The following TMEM94 variants were observed in gnomAD, a reference collection of about 807,000 sequenced individuals.
The protein encoded by TMEM94 is ER Mg2+ ATPase.
TMEM94 carries 81 observed loss-of-function variants against 158.6 expected under a neutral mutation model. That is an observed-to-expected ratio of 0.51 (90% confidence interval 0.43 to 0.61). The LOEUF is 0.61. Among genes scored for constraint, TMEM94 ranks in the 20% least tolerant of loss-of-function variants. TMEM94 has a pLI of 0.00. For missense variants in TMEM94, 1,435 were observed against 1,762.0 expected (o/e 0.81, Z 3.32); for synonymous variants, 751 against 730.7 (o/e 1.03, Z -0.45).
rs2051967330 is a variant in TMEM94 at position 75,489,690 on chromosome 17, T to C, written c.954+28T>C. 1 of 1,586,344 alleles carries C rather than the reference T, an allele frequency of 6.3e-7. No homozygotes were observed. The highest frequency in any genetic ancestry group is 1.7e-5 in the Admixed American group (1 of 59,946). ...AAGGACCACCCTGTCCTCTCTGTCA[T>C]GCTTCCCTCCGACCCGCAGGGCTGG... On this transcript the variant is annotated intron_variant, in intron 9 of 31. Transcript: ENST00000314256. The surrounding 1 kb of genome is among the most constrained non-coding windows in gnomAD (Gnocchi z 5.0).
At chr17:75,480,944 G>T (rs1230734755) in intron 2 of TMEM94, among the ~76,000 whole-genome samples, 1 of 152,220 alleles carries the variant, frequency 6.6e-6, no homozygotes, top group African/African-American at 2.4e-5. Flanking sequence ...TGGCGAGGAA[G>T]CTCAGAAGGC....
At chr17:75,474,381 C>G (rs947703048) in intron 2 of TMEM94, among the ~76,000 whole-genome samples, 1 of 152,116 alleles carries the variant, frequency 6.6e-6, no homozygotes, top group African/African-American at 2.4e-5. Flanking sequence ...TGGCACACAC[C>G]TGTAATCCCA....
chr17:75,488,072 GA>G lies in TMEM94; in HGVS notation c.552del (p.Gly185GlufsTer4). 6.2e-7 allele frequency: 1 copy of G among 1,614,198 alleles called. No individual in the cohort carries two copies. The highest frequency in any genetic ancestry group is 8.5e-7 in the Non-Finnish European group (1 of 1,180,046). Reference sequence around the variant, plus strand: ...CAACCTGCCAGTCAGCCTGCTGGTTGAAGGAGACATCATAGCTTTGAGGCCT... The same window carrying G: ...CAACCTGCCAGTCAGCCTGCTGGTTGAGGAGACATCATAGCTTTGAGGCCT... ...LVNLPVSLLVEGDIIALRPGQ... is the reference protein window; with the variant it reads ...LVNLPVSLLVXGDIIALRPGQ... On this transcript the variant is annotated frameshift_variant, in exon 6 of 32. Transcript: ENST00000314256. LOFTEE classifies it high-confidence loss of function.
At position 75,488,801 on chromosome 17, in the gene TMEM94, C is replaced by G. The variant is rs765523093; in HGVS notation, c.655C>G (p.Pro219Ala). 6.4e-5 allele frequency: 103 copies of G among 1,613,524 alleles called. No homozygotes were observed. The highest frequency in any genetic ancestry group is 1.6e-4 in the Middle Eastern group (1 of 6,080). Residue 219 changes from proline (P) to alanine (A), a missense_variant, in exon 7 of 32, where the codon CCC becomes GCC. Pro to Ala is a conservative substitution (Grantham distance 27). Around this residue, in one of 3 missense-constraint regions of TMEM94, gnomAD observed 1,051 missense variants for 1,254.4 expected, o/e 0.84. Transcript: ENST00000314256. ...CCTGGAGCCGGGAGACCTCTTCCCC[C>G]CCTTCTCCCCTCCACCCTCACCCCG... is the stretch of plus-strand genomic sequence containing the variant. ...IVLEPGDLFP[P>A]FSPPPSPRGE... is the part of the protein sequence containing the mutation.
intron 1 of TMEM94, among the ~76,000 whole-genome samples, chr17:75,464,655 C>T (rs1417508316): frequency 1.6e-5 from 2 of 126,388 alleles, no homozygotes; most frequent in Non-Finnish European, 3.4e-5. Context: ...TTCCTTCCTT[C>T]CTTCCTTCCT....
intron 2 of TMEM94, among the ~76,000 whole-genome samples, chr17:75,481,288 G>A (rs891989780): frequency 2.6e-5 from 4 of 152,250 alleles, no homozygotes; most frequent in Admixed American, 6.5e-5. Flanking sequence ...TGAGGTCCCC[G>A]CCGGGAGGGC....
chr17:75,486,778 G>A (rs1269595012), intron 5 of TMEM94, among the ~76,000 whole-genome samples: 1 of 152,208 alleles, frequency 6.6e-6, no homozygotes, highest in Non-Finnish European at 1.5e-5. Flanking sequence ...TACTGTGCTG[G>A]GAGACATGGG....
chr17:75,489,545 G>A lies in TMEM94; in HGVS notation c.868-31G>A. On this transcript the variant is annotated intron_variant, in intron 8 of 31. Transcript: ENST00000314256. This position sits in a 1 kb window ranked among gnomAD's most constrained non-coding sequence, Gnocchi z 5.0. ...GCCTGGGTCCCTCTAGAGGGGCGGG[G>A]TCAAGGCTGTGCCTCTGCTGTTCCC... The A allele has an allele frequency of 1.9e-6, 3 of 1,602,348 alleles. No homozygotes were observed. Among genetic ancestry groups the A allele is most frequent in the Non-Finnish European group, 2.6e-6 (3 of 1,169,442 alleles).
rs1458098335 is a variant in TMEM94, at chr17:75,478,055, G to A, written c.24+6126G>A. Reference sequence around the variant, plus strand: ...TTTTGAGACGGAGTCTCGCTCTGTCGCCCAGGCTGGAGTGCAGTGGCGGGA... The same window carrying A: ...TTTTGAGACGGAGTCTCGCTCTGTCACCCAGGCTGGAGTGCAGTGGCGGGA... On this transcript the variant is annotated intron_variant, in intron 2 of 31. Transcript: ENST00000314256. Among the ~76,000 whole-genome samples, 54 of 96,836 alleles carry A rather than the reference G, an allele frequency of 5.6e-4. 1 individual carries two copies. The highest frequency in any genetic ancestry group is 2.1e-4 in the Non-Finnish European group (11 of 53,328). 63.5% of individuals were successfully genotyped at this position (96,836 alleles called of 152,430 possible). A position where few individuals can be genotyped will look rare whatever the true frequency, so the allele number is the denominator to read the frequency against.
At chr17:75,481,391 G>A (rs1379024774) in intron 2 of TMEM94, among the ~76,000 whole-genome samples, 1 of 152,266 alleles carries the variant, frequency 6.6e-6, no homozygotes, top group East Asian at 1.9e-4. Context: ...TGGAGAGCGG[G>A]ATTAGGTGAG....
At chr17:75,478,748 G>T (rs1321596287) in intron 2 of TMEM94, among the ~76,000 whole-genome samples, 1 of 152,222 alleles carries the variant, frequency 6.6e-6, no homozygotes, top group Non-Finnish European at 1.5e-5. Flanking sequence ...CCTGAGCAGT[G>T]AAAACAGCGG....
chr17:75,474,177 T>C (rs970051927), intron 2 of TMEM94, among the ~76,000 whole-genome samples: 11 of 152,152 alleles, frequency 7.2e-5, no homozygotes, highest in African/African-American at 2.6e-4. Context: ...GGCCTCTAGC[T>C]GAGGTAACTC....
intron 1 of TMEM94, among the ~76,000 whole-genome samples, chr17:75,463,903 C>T (rs936925589): frequency 1.3e-5 from 2 of 152,200 alleles, no homozygotes; most frequent in African/African-American, 2.4e-5. Flanking sequence ...AAAAACTTCC[C>T]TCCAGCTTAA....
Position 75,499,986 on chromosome 17 carries a change from G to A in TMEM94, c.*652G>A, listed in dbSNP as rs2146967005. 6.5e-6 allele frequency: 1 copy of A among 153,446 alleles called. No individual in the cohort carries two copies. Among genetic ancestry groups the A allele is most frequent in the East Asian group, 1.9e-4 (1 of 5,194 alleles). The allele number at this position is 153,446 out of a possible 1,614,324, so 9.5% of individuals were successfully genotyped here. A position where few individuals can be genotyped will look rare whatever the true frequency, so the allele number is the denominator to read the frequency against. The stretch of plus-strand genomic sequence containing the variant: ...CCAGGTCTCCTCAGCCTCTGCCCCA[G>A]TTCTGGGAGAAGTTTCTACTGGTGT... On this transcript the variant is annotated 3_prime_UTR_variant, in exon 32 of 32. Transcript: ENST00000314256.
At chr17:75,471,432 G>C (rs1444666933) in intron 1 of TMEM94, among the ~76,000 whole-genome samples, 1 of 151,964 alleles carries the variant, frequency 6.6e-6, no homozygotes, top group Non-Finnish European at 1.5e-5. Flanking sequence ...AGTGAGTTCA[G>C]TACTTTTCCG....
At chr17:75,494,429 T>C (rs889107653) in intron 18 of TMEM94, among the ~76,000 whole-genome samples, 198 bp from the exon 19 acceptor site, 9 of 152,346 alleles carry the variant, frequency 5.9e-5, no homozygotes, top group African/African-American at 2.2e-4. Flanking sequence ...AGCTTCCAGC[T>C]CAGATTCGGC....
chr17:75,489,603 C>T lies in TMEM94; in HGVS notation c.895C>T (p.Arg299Cys), dbSNP rs1224933945. The change falls in exon 9 of 32, where the codon CGC (arginine) becomes TGC (cysteine). Residue 299 changes from arginine to cysteine, a missense_variant. Transcript: ENST00000314256. This position sits in a 1 kb window ranked among gnomAD's most constrained non-coding sequence, Gnocchi z 5.0. ...CGGCTTCCTCATCACCAATGCCCTG[C>T]GCTTCATCTTCAGTGCCCCGGGGGT... ...LAGFLITNAL[R>C]FIFSAPGVTS... The T allele has an allele frequency of 5.6e-6, 9 of 1,613,948 alleles. No homozygotes were observed. Among genetic ancestry groups the T allele is most frequent in the South Asian group, 3.3e-5 (3 of 91,082 alleles).
intron 1 of TMEM94, among the ~76,000 whole-genome samples, chr17:75,465,705 A>G (rs1039795075): frequency 7.2e-6 from 1 of 139,332 alleles, no homozygotes; most frequent in African/African-American, 3.1e-5. Flanking sequence ...AAAGACTTCA[A>G]AACTACTTTT....
intron 1 of TMEM94, among the ~76,000 whole-genome samples, chr17:75,461,093 CTTTTTTT>C (rs59878082): frequency 5.6e-4 from 39 of 69,676 alleles, no homozygotes; most frequent in Non-Finnish European, 9.4e-4. Context: ...TTGCGATTGG[CTTTTTTT>C]TTTTTTTTTT....
Sources: allele counts gnomAD v4.1 joint callset (sites outside exome capture counted in the v4.1 genomes callset), GRCh38; gene constraint gnomAD v4.1.1; regional missense constraint gnomAD v4.1.1; non-coding constraint Gnocchi (gnomAD v3.1); transcripts MANE v1.5; gene names NCBI Gene and HGNC (gene_info 2026-07-23, HGNC 2026-07-21).